CRLF3: variants seen among roughly 807,000 people sequenced by gnomAD.
The protein encoded by CRLF3 is cytokine receptor like factor 3, also known as cytokine receptor-like factor 3.
A neutral mutation model predicts 55.0 loss-of-function variants in CRLF3; 33 were observed. The ratio of observed to expected loss-of-function variants is 0.60; its 90% CI spans 0.46 to 0.80. CRLF3 has a LOEUF of 0.80. CRLF3 is among the 30% of genes least tolerant of loss of function. The pLI is 0.00. For synonymous variants in CRLF3, 238 were observed against 196.8 expected (o/e 1.21, Z -1.75); for missense variants, 494 against 538.4 (o/e 0.92, Z 0.82).
chr17:30,819,604 A>C (rs1420685536), intron 1 of CRLF3, among the ~76,000 whole-genome samples: 1 of 152,118 alleles, frequency 6.6e-6, no homozygotes, highest in Non-Finnish European at 1.5e-5. Flanking sequence ...CAGCCTCCTG[A>C]GTAGCTGGGA....
Position 30,790,018 on chromosome 17 carries a change from T to C in CRLF3, c.959+2422A>G, listed in dbSNP as rs3967191. On this transcript the variant is annotated intron_variant, in intron 6 of 7. Transcript: ENST00000324238. ...GTTTTTTTTTTTCCTCTCTCTCTCT[T>C]TGTTGGTATTTTTCTGTTTACTGAG... Among the ~76,000 whole-genome samples the C allele has an allele frequency of 6.7e-3, 1,015 of 152,218 alleles. 50 individuals are homozygous for C. The highest frequency in any genetic ancestry group is 0.06 in the Admixed American group (918 of 15,274).
chr17:30,786,500 G>A (rs1971650942), intron 6 of CRLF3: 1 of 152,768 alleles, frequency 6.5e-6, no homozygotes, highest in South Asian at 2.0e-4. Flanking sequence ...GCCTCCCAAA[G>A]TGCTGGGATT....
intron 1 of CRLF3, among the ~76,000 whole-genome samples, chr17:30,820,926 G>A (rs141441532): frequency 2.4e-3 from 369 of 151,662 alleles, no homozygotes; most frequent in Non-Finnish European, 4.2e-3. Flanking sequence ...GTGGTGGTGT[G>A]TACCTATAGC....
At chr17:30,784,608 TC>T (rs1301595391) in intron 7 of CRLF3, 165 bp from the exon 8 acceptor site, 1 of 603,850 alleles carries the variant, frequency 1.7e-6, no homozygotes, top group South Asian at 2.2e-5. Context: ...GTTGTACTCT[TC>T]CAGCAGAGAC....
chr17:30,811,678 C>A (rs977558203), intron 1 of CRLF3, among the ~76,000 whole-genome samples: 1 of 147,810 alleles, frequency 6.8e-6, no homozygotes, highest in South Asian at 2.2e-4. Context: ...GTGGCGGGCA[C>A]CTGTAATCCC....
intron 6 of CRLF3, chr17:30,787,484 C>T (rs1443154506): frequency 1.3e-5 from 2 of 151,508 alleles, no homozygotes; most frequent in African/African-American, 4.9e-5. Flanking sequence ...GTACAGATCC[C>T]TATTGCCAGA....
intron 1 of CRLF3, among the ~76,000 whole-genome samples, chr17:30,822,488 A>G (rs1334133481): frequency 6.6e-6 from 1 of 152,222 alleles, no homozygotes; most frequent in Non-Finnish European, 1.5e-5. Context: ...AGGCAATGTC[A>G]TCAGGAACCT....
intron 2 of CRLF3, among the ~76,000 whole-genome samples, chr17:30,798,857 A>T (rs1170929194): frequency 6.6e-6 from 1 of 151,658 alleles, no homozygotes; most frequent in Non-Finnish European, 1.5e-5. Context: ...GTAAATAAAT[A>T]AATAAAATCC....
At chr17:30,791,435 G>C (rs79950604) in intron 6 of CRLF3, among the ~76,000 whole-genome samples, 19,307 of 151,826 alleles carry the variant, frequency 0.13, 1,285 homozygotes, top group South Asian at 0.25. Flanking sequence ...TCGAACTCCT[G>C]ACCACAAGTG....
chr17:30,786,223 A>G (rs1597911222), intron 6 of CRLF3, 192 bp from the exon 7 acceptor site: 5 of 468,590 alleles, frequency 1.1e-5, no homozygotes, highest in Non-Finnish European at 1.5e-5. Flanking sequence ...CATTCTTACA[A>G]CAATCTATGA....
At chr17:30,795,493 T>C (rs1971899928) in intron 4 of CRLF3, among the ~76,000 whole-genome samples, 1 of 114,344 alleles carries the variant, frequency 8.7e-6, no homozygotes, top group African/African-American at 3.5e-5. Flanking sequence ...CGAAACTCTG[T>C]CTCAAAAAAA....
intron 1 of CRLF3, among the ~76,000 whole-genome samples, chr17:30,810,363 C>T (rs1284192520): frequency 6.6e-6 from 1 of 151,968 alleles, no homozygotes; most frequent in Non-Finnish European, 1.5e-5. Context: ...GTCAGGAGTT[C>T]GAGACCAGCC....
chr17:30,793,398 A>G, intron 5 of CRLF3, 52 bp downstream of exon 5: 1 of 1,353,904 alleles, frequency 7.4e-7, no homozygotes, highest in Non-Finnish European at 1.1e-6. Flanking sequence ...CACAGAATAC[A>G]GGTATTCTAA....
At chr17:30,794,858 T>C (rs2142254153) in intron 4 of CRLF3, among the ~76,000 whole-genome samples, 2 of 152,274 alleles carry the variant, frequency 1.3e-5, no homozygotes, top group African/African-American at 4.8e-5. Context: ...AGTCTCACAA[T>C]GCCAATTATT....
At chr17:30,816,495 T>C (rs990822724) in intron 1 of CRLF3, among the ~76,000 whole-genome samples, 1 of 148,594 alleles carries the variant, frequency 6.7e-6, no homozygotes, top group African/African-American at 2.5e-5. Flanking sequence ...TTTCTTTTTT[T>C]TTTTTTTTTT....
intron 5 of CRLF3, 124 bp downstream of exon 5, chr17:30,793,326 G>GT: frequency 1.4e-6 from 1 of 705,188 alleles, no homozygotes; most frequent in Non-Finnish European, 2.4e-6. Flanking sequence ...CATGGTGCAT[G>GT]TTGTTCTTAT....
intron 1 of CRLF3, among the ~76,000 whole-genome samples, chr17:30,805,618 G>A (rs1904372051): frequency 6.6e-6 from 1 of 151,716 alleles, no homozygotes; most frequent in Admixed American, 6.6e-5. Context: ...GGATGCTGAG[G>A]CAGGAGAATC....
chr17:30,822,002 T>A (rs1273975543), intron 1 of CRLF3, among the ~76,000 whole-genome samples: 1 of 146,944 alleles, frequency 6.8e-6, no homozygotes, highest in East Asian at 2.0e-4. Flanking sequence ...GAGGATCTTT[T>A]GAGCCCAGGA....
intron 1 of CRLF3, among the ~76,000 whole-genome samples, chr17:30,804,881 A>G (rs1283985098): frequency 6.6e-6 from 1 of 152,156 alleles, no homozygotes; most frequent in Admixed American, 6.6e-5. Context: ...TTGTCAAATG[A>G]GCATAATAAT....
Sources: allele counts gnomAD v4.1 joint callset (sites outside exome capture counted in the v4.1 genomes callset), GRCh38; gene constraint gnomAD v4.1.1; transcripts MANE v1.5; gene names NCBI Gene and HGNC (gene_info 2026-07-23, HGNC 2026-07-21).